Variants in ZNF773 observed in about 807,000 individuals in gnomAD.
ZNF773 encodes the protein zinc finger protein 419B.
ZNF773 carries 11 observed loss-of-function variants against 12.8 expected under a neutral mutation model. The ratio of observed to expected loss-of-function variants is 0.86; its 90% confidence interval spans 0.54 to 1.42. The LOEUF (loss-of-function observed/expected upper bound fraction) is 1.42. Among genes scored for constraint, ZNF773 ranks in the 40% most tolerant of loss-of-function variants. The pLI is 0.00. For synonymous variants in ZNF773, 175 were observed against 178.4 expected (o/e 0.98, Z 0.15); for missense variants, 518 against 527.2 (o/e 0.98, Z 0.17).
downstream of ZNF773, chr19:57,513,448 TAAAG>T: frequency 6.2e-6 from 1 of 160,748 alleles, no homozygotes; most frequent in Non-Finnish European, 1.4e-5. Context: ...TTTAAAATGT[TAAAG>T]AAAATGAGAT....
intron 1 of ZNF773, 40 bp from the exon 2 acceptor site, chr19:57,504,617 G>C (rs1568579396): frequency 6.2e-7 from 1 of 1,610,470 alleles, no homozygotes; most frequent in African/African-American, 1.3e-5. Flanking sequence ...AAATTCCCCA[G>C]TAAGGAGACC....
Position 57,507,626 on chromosome 19 carries a change from A to T in ZNF773, c.*202A>T. On this transcript the variant is annotated 3_prime_UTR_variant, in exon 4 of 4. Transcript: ENST00000282292. ...AGGCCTAACCGTATTCAACACCAGA[A>T]AGTTTAGACTGGAGAAAGGCCTTAG... 7.2e-7 allele frequency: 1 copy of T among 1,381,452 alleles called. No individual in the cohort carries two copies. 85.6% of individuals were successfully genotyped at this position (1,381,452 alleles called of 1,614,324 possible). A position where few individuals can be genotyped will look rare whatever the true frequency, so the allele number is the denominator to read the frequency against.
downstream of ZNF773, chr19:57,512,963 C>A (rs1430898002): frequency 6.7e-7 from 1 of 1,484,752 alleles, no homozygotes; most frequent in Admixed American, 2.6e-5. Context: ...AGCCCTCTGA[C>A]CCCTTCTTTA....
downstream of ZNF773, among the ~76,000 whole-genome samples, chr19:57,510,280 A>T (rs1160196318): frequency 2.0e-5 from 3 of 152,252 alleles, no homozygotes; most frequent in Non-Finnish European, 2.9e-5. Context: ...CTGTATTAGC[A>T]GACTAAAATG....
rs1202921905 is a variant in ZNF773 at position 57,501,164 on chromosome 19, T to A, written c.33+1051T>A. On this transcript the variant is annotated intron_variant, in intron 1 of 3. Transcript: ENST00000282292. ...AAGTTTCCCTAGCTATCAGCACAGG[T>A]GGGATGATCAACTGCTCCAGTAGAA... 2.0e-5 allele frequency among the ~76,000 whole-genome samples: 3 copies of A among 152,162 alleles called. No homozygotes were observed. The South Asian group carries it at 6.2e-4, about 32-fold the overall frequency.
chr19:57,503,309 G>A (rs903694674), intron 1 of ZNF773, among the ~76,000 whole-genome samples: 3 of 152,156 alleles, frequency 2.0e-5, no homozygotes, highest in African/African-American at 7.2e-5. Context: ...AAGGGAGAAT[G>A]TATAGGGGCC....
downstream of ZNF773, chr19:57,514,867 A>G (rs929502687): frequency 6.6e-6 from 1 of 152,200 alleles, no homozygotes; most frequent in African/African-American, 2.4e-5. Flanking sequence ...AATTTTATGA[A>G]GTTCACCCTT....
In ZNF773 at chr19:57,508,214, C is replaced by T. The variant is rs2089768020; in HGVS notation, c.*790C>T. 4 of 1,074,754 alleles carry T rather than the reference C, an allele frequency of 3.7e-6. No individual in the cohort carries two copies. Among genetic ancestry groups the T allele is most frequent in the Admixed American group, 1.0e-4 (2 of 19,292 alleles). 66.6% of individuals were successfully genotyped at this position (1,074,754 alleles called of 1,614,324 possible). A position where few individuals can be genotyped will look rare whatever the true frequency, so the allele number is the denominator to read the frequency against. ...CTTTATGAGGGAGCTGGCAATTGAA[C>T]ATCATTCATCCAAATATGCACACTG... On this transcript the variant is annotated 3_prime_UTR_variant, in exon 4 of 4. Transcript: ENST00000282292.
At chr19:57,500,375 G>A (rs976696596) in intron 1 of ZNF773, among the ~76,000 whole-genome samples, 6 of 151,920 alleles carry the variant, frequency 3.9e-5, no homozygotes, top group Non-Finnish European at 5.9e-5. Context: ...GCGACAGCCC[G>A]AGCAGCTGCG....
At chr19:57,513,836 G>A (rs2089815330), downstream of ZNF773, 1 of 152,242 alleles carries the variant, frequency 6.6e-6, no homozygotes, top group Non-Finnish European at 1.5e-5. Context: ...ATTACAGCAA[G>A]GTCTGCCATC....
chr19:57,507,193 AT>A lies in ZNF773; in HGVS notation c.1104del (p.Phe368LeufsTer100). The A allele has an allele frequency of 6.2e-7, 1 of 1,614,166 alleles. No homozygotes were observed. The highest frequency in any genetic ancestry group is 8.5e-7 in the Non-Finnish European group (1 of 1,180,020). On this transcript the variant is annotated frameshift_variant, in exon 4 of 4. Coordinates refer to ENST00000282292, the MANE Select transcript of ZNF773 (RefSeq NM_198542.3). LOFTEE classifies it low-confidence loss of function (END_TRUNC). ...CTTATGAGTGCAGTGAATGTGGGAA[AT>A]TTTTTAGCCAAAGCTCAAGCCTCAT... ...RPYECSECGK[F>X]FSQSSSLMQH...
At chr19:57,504,611 T>G in intron 1 of ZNF773, 46 bp from the exon 2 acceptor site, 2 of 1,606,256 alleles carry the variant, frequency 1.2e-6, no homozygotes, top group Non-Finnish European at 1.7e-6. Context: ...ATGCCTAAAT[T>G]CCCCAGTAAG....
At position 57,507,596 on chromosome 19, in the gene ZNF773, G is replaced by C; in HGVS notation, c.*172G>C. 1 of 1,420,218 alleles carries C rather than the reference G, an allele frequency of 7.0e-7. No homozygotes were observed. Among genetic ancestry groups the C allele is most frequent in the Admixed American group, 3.0e-5 (1 of 32,816 alleles). 88.0% of individuals were successfully genotyped at this position (1,420,218 alleles called of 1,614,324 possible). A position where few individuals can be genotyped will look rare whatever the true frequency, so the allele number is the denominator to read the frequency against. ...GTAGTGAATATGGTAAAAGGCCTCA[G>C]CCAAAGGCCTAACCGTATTCAACAC... On this transcript the variant is annotated 3_prime_UTR_variant, in exon 4 of 4. Transcript: ENST00000282292.
intron 1 of ZNF773, among the ~76,000 whole-genome samples, chr19:57,503,866 C>T (rs1163670707): frequency 6.6e-6 from 1 of 152,070 alleles, no homozygotes; most frequent in Non-Finnish European, 1.5e-5. Context: ...CCATGTTGTT[C>T]AGGCTGGTCT....
downstream of ZNF773, among the ~76,000 whole-genome samples, chr19:57,511,089 A>T (rs2089791286): frequency 6.7e-6 from 1 of 149,082 alleles, no homozygotes. Flanking sequence ...TTTCGCTGTC[A>T]CCCAGGCTAG....
chr19:57,502,638 G>T (rs772063387), intron 1 of ZNF773, among the ~76,000 whole-genome samples: 47 of 152,260 alleles, frequency 3.1e-4, no homozygotes, highest in Non-Finnish European at 5.3e-4. Flanking sequence ...CTGGACCAGA[G>T]TGGTGGCTGT....
At chr19:57,505,529 T>G in intron 3 of ZNF773, 129 bp downstream of exon 3, 1 of 1,068,088 alleles carries the variant, frequency 9.4e-7, no homozygotes, top group East Asian at 2.4e-5. Context: ...CTATCTTTTC[T>G]TCCTCAGTCA....
At chr19:57,516,669 G>A (rs772702088), downstream of ZNF773, 4 of 152,210 alleles carry the variant, frequency 2.6e-5, no homozygotes, top group Non-Finnish European at 5.9e-5. Flanking sequence ...TATTACTGGT[G>A]TAGTTACTAA....
At chr19:57,518,348 A>C (rs1319987784) in exon 5 of ZNF773, 1 of 152,202 alleles carries the variant, frequency 6.6e-6, no homozygotes, top group Non-Finnish European at 1.5e-5. Context: ...CTCCCTGTTG[A>C]TTCTACCTAA....
Sources: gnomAD v4.1 joint callset for allele counts (sites outside exome capture counted in the v4.1 genomes callset) on GRCh38, gnomAD v4.1.1 for gene constraint, MANE v1.5 for transcripts, NCBI Gene and HGNC (gene_info 2026-07-23, HGNC 2026-07-21) for gene names.